Variants in ARHGEF3 observed in about 807,000 individuals in gnomAD.
ARHGEF3 encodes the protein Rho guanine nucleotide exchange factor 3.
Under a neutral mutation model 63.2 loss-of-function variants are expected in ARHGEF3, and 28 were observed. That is an observed-to-expected ratio of 0.44 (90% CI 0.33 to 0.61). ARHGEF3 has a LOEUF of 0.61. ARHGEF3 is among the 20% of genes least tolerant of loss of function. The pLI is 0.03. For synonymous variants in ARHGEF3, 266 were observed against 254.2 expected (o/e 1.05, Z -0.44); for missense variants, 533 against 659.3 (o/e 0.81, Z 2.10).
chr3:57,035,260 G>A, intron 1 of ARHGEF3: 2 of 717,374 alleles, frequency 2.8e-6, no homozygotes, highest in Non-Finnish European at 2.1e-6. Context: ...TTAAATACAA[G>A]GGGAATATAT....
intron 4 of ARHGEF3, among the ~76,000 whole-genome samples, chr3:56,864,096 A>T (rs1019083419): frequency 1.3e-5 from 2 of 152,198 alleles, no homozygotes; most frequent in African/African-American, 4.8e-5. Context: ...TCTACTCATC[A>T]TCCACATCTA....
chr3:56,737,971 C>T (rs9855217), intron 7 of ARHGEF3, among the ~76,000 whole-genome samples: 21,024 of 151,940 alleles, frequency 0.14, 1,702 homozygotes, highest in South Asian at 0.39. Context: ...CAGGTTCAAG[C>T]GATTCTTCTG....
At chr3:57,013,975 T>G (rs867079403) in intron 2 of ARHGEF3, among the ~76,000 whole-genome samples, 1 of 152,196 alleles carries the variant, frequency 6.6e-6, no homozygotes, top group Non-Finnish European at 1.5e-5. Context: ...CTCTGCTCTT[T>G]GCAATAAATC....
intron 4 of ARHGEF3, among the ~76,000 whole-genome samples, chr3:56,850,231 A>G (rs565126377): frequency 6.6e-6 from 1 of 152,286 alleles, no homozygotes; most frequent in African/African-American, 2.4e-5. Context: ...ATTTCTTTAT[A>G]AACTTGGTTA....
At chr3:56,986,463 G>C (rs1701541871) in intron 2 of ARHGEF3, among the ~76,000 whole-genome samples, 1 of 152,226 alleles carries the variant, frequency 6.6e-6, no homozygotes, top group Non-Finnish European at 1.5e-5. Flanking sequence ...ATTTGCAGCT[G>C]AGGTCAAAGC....
At chr3:57,051,409 C>T (rs1450205015) in intron 1 of ARHGEF3, among the ~76,000 whole-genome samples, 1 of 151,780 alleles carries the variant, frequency 6.6e-6, no homozygotes, top group Non-Finnish European at 1.5e-5. Context: ...ATGGCTTGAA[C>T]CCGTGAGGCG....
chr3:57,012,384 G>A (rs543811006), intron 2 of ARHGEF3, among the ~76,000 whole-genome samples: 1 of 152,172 alleles, frequency 6.6e-6, no homozygotes, highest in East Asian at 1.9e-4. Flanking sequence ...TCAGCCTCCG[G>A]AGCAGCTGGG....
chr3:56,751,008 C>T (rs1015842788), intron 6 of ARHGEF3, 48 bp downstream of exon 6: 5 of 1,389,054 alleles, frequency 3.6e-6, no homozygotes, highest in Non-Finnish European at 4.9e-6. Flanking sequence ...AAACTCCCAT[C>T]TATATTATTG....
At chr3:56,948,468 A>G (rs1437297426) in intron 3 of ARHGEF3, among the ~76,000 whole-genome samples, 1 of 152,228 alleles carries the variant, frequency 6.6e-6, no homozygotes, top group Non-Finnish European at 1.5e-5. Context: ...TCCCACAGAA[A>G]TACAAACTAC....
chr3:56,736,225 G>A (rs1452050046), intron 8 of ARHGEF3, among the ~76,000 whole-genome samples: 2 of 152,090 alleles, frequency 1.3e-5, no homozygotes, highest in Non-Finnish European at 2.9e-5. Flanking sequence ...CCCCATAATA[G>A]GTTCTAAGGT....
At chr3:56,768,667 C>CAAAAAAAA (rs770390697) in intron 2 of ARHGEF3, among the ~76,000 whole-genome samples, 6 of 43,998 alleles carry the variant, frequency 1.4e-4, no homozygotes, top group Non-Finnish European at 2.1e-4. Flanking sequence ...AAGCAAAATG[C>CAAAAAAAA]AAAAAAAAAA....
chr3:56,745,329 T>C lies in ARHGEF3; in HGVS notation c.746A>G (p.Lys249Arg), dbSNP rs2034310123. 6.2e-7 allele frequency: 1 copy of C among 1,614,056 alleles called. No individual in the cohort carries two copies. Among genetic ancestry groups the C allele is most frequent in the Non-Finnish European group, 8.5e-7 (1 of 1,180,024 alleles). Reference protein sequence around the residue: ...QRCLESPFSRKLDLWNFLDIP... With the variant: ...QRCLESPFSRRLDLWNFLDIP... ...ATCGAGGAAATTCCAGAGATCTAGT[T>C]TGCGGCTAAAGGGGGATTCTAAACA... is the stretch of plus-strand genomic sequence containing the variant. Residue 249 changes from lysine (K) to arginine (R), a missense_variant, in exon 7 of 10, where the codon AAA becomes AGA. Transcript: ENST00000296315.
chr3:56,833,918 TC>T (rs10632077), intron 4 of ARHGEF3, among the ~76,000 whole-genome samples: 12 of 148,446 alleles, frequency 8.1e-5, no homozygotes, highest in African/African-American at 1.3e-4. Context: ...TTCTTTGTTT[TC>T]CCCCCCCAAT....
At chr3:56,967,957 A>G (rs1476988354) in intron 2 of ARHGEF3, among the ~76,000 whole-genome samples, 1 of 68,060 alleles carries the variant, frequency 1.5e-5, no homozygotes, top group Non-Finnish European at 2.5e-5. Context: ...TATTATATAT[A>G]TAAAATATAT....
chr3:56,811,859 C>T (rs2038078044), intron 4 of ARHGEF3, among the ~76,000 whole-genome samples: 1 of 152,184 alleles, frequency 6.6e-6, no homozygotes, highest in South Asian at 2.1e-4. Flanking sequence ...GCTAATTCCT[C>T]TCATTCAAGG....
chr3:56,923,771 TG>T (rs1460569772), intron 3 of ARHGEF3, among the ~76,000 whole-genome samples: 1 of 152,228 alleles, frequency 6.6e-6, no homozygotes, highest in Non-Finnish European at 1.5e-5. Flanking sequence ...TGTTATGTTT[TG>T]GGTGTGTTCA....
At chr3:57,042,209 A>G (rs755960602) in intron 1 of ARHGEF3, among the ~76,000 whole-genome samples, 2 of 152,176 alleles carry the variant, frequency 1.3e-5, no homozygotes, top group Non-Finnish European at 2.9e-5. Context: ...GACATACCCT[A>G]TGAAAAACAA....
intron 3 of ARHGEF3, among the ~76,000 whole-genome samples, chr3:56,945,380 G>T (rs867685759): frequency 6.6e-6 from 1 of 152,170 alleles, no homozygotes; most frequent in South Asian, 2.1e-4. Flanking sequence ...AAAGAAAGGG[G>T]TGACAGATGG....
chr3:57,012,841 C>T (rs1270388273), intron 2 of ARHGEF3, among the ~76,000 whole-genome samples: 1 of 152,132 alleles, frequency 6.6e-6, no homozygotes, highest in Non-Finnish European at 1.5e-5. Flanking sequence ...CTGGGCTGGC[C>T]GAGGTGAAGC....
Sources: allele counts gnomAD v4.1 joint callset (sites outside exome capture counted in the v4.1 genomes callset), GRCh38; gene constraint gnomAD v4.1.1; transcripts MANE v1.5; gene names NCBI Gene and HGNC (gene_info 2026-07-23, HGNC 2026-07-21).